ZNF292: variants seen among roughly 807,000 people sequenced by gnomAD.
The protein encoded by ZNF292 is 16 zinc-finger domain protein.
A neutral mutation model predicts 217.9 loss-of-function variants in ZNF292; 26 were observed. The ratio of observed to expected loss-of-function variants is 0.12; its 90% confidence interval spans 0.09 to 0.17. The LOEUF is 0.17. Among genes scored for constraint, ZNF292 ranks in the 10% least tolerant of loss-of-function variants. The pLI, the probability that ZNF292 is intolerant of heterozygous loss-of-function variation, is 1.00. For missense variants in ZNF292, 2,904 were observed against 3,175.2 expected (o/e 0.91, Z 2.05); for synonymous variants, 1,257 against 1,124.1 (o/e 1.12, Z -2.37).
intron 4 of ZNF292, among the ~76,000 whole-genome samples, chr6:87,225,204 GTTGT>G (rs1346238683): frequency 1.3e-5 from 2 of 152,080 alleles, no homozygotes; most frequent in Non-Finnish European, 2.9e-5. Context: ...TCTTAATTGG[GTTGT>G]TTGTTTTCTT....
At chr6:87,253,937 T>C (rs1775066800) in intron 7 of ZNF292, among the ~76,000 whole-genome samples, 1 of 152,242 alleles carries the variant, frequency 6.6e-6, no homozygotes, top group Admixed American at 6.5e-5. Context: ...GTTATTGCTA[T>C]CTAATAATAA....
rs549561638 is a variant in ZNF292 at position 87,263,671 on chromosome 6, T to C, written c.*1870T>C. The C allele has an allele frequency of 1.3e-5, 2 of 152,236 alleles. No individual in the cohort carries two copies. The highest frequency in any genetic ancestry group is 2.4e-5 in the African/African-American group (1 of 41,576). The allele number at this position is 152,236 out of a possible 1,614,324, so 9.4% of individuals were successfully genotyped here. ...CACTGTTATTTATTAAAATAAAAGT[T>C]ATTTTATGGGTGATTAATACATGGG... On this transcript the variant is annotated 3_prime_UTR_variant, in exon 8 of 8. Coordinates refer to ENST00000369577, the MANE Select transcript of ZNF292 (RefSeq NM_015021.3).
At position 87,259,239 on chromosome 6, in the gene ZNF292, T is replaced by A. The variant is rs760123959; in HGVS notation, c.5610T>A (p.Thr1870=). Reference sequence around the variant, plus strand: ...TGATAAATACATCAGTGACACTGACTCCCACGCCTGTTAAATCAACTGCAG... The same window carrying A: ...TGATAAATACATCAGTGACACTGACACCCACGCCTGTTAAATCAACTGCAG... ...CVLINTSVTL[T]PTPVKSTADI... is the part of the protein sequence containing the mutation. Residue 1870 remains threonine (T), a synonymous_variant, in exon 8 of 8, where the codon ACT becomes ACA. Transcript: ENST00000369577. 9 of 1,613,560 alleles carry A rather than the reference T, an allele frequency of 5.6e-6. No individual in the cohort carries two copies. In the East Asian group the frequency reaches 6.7e-5, roughly 12 times the overall value.
Position 87,155,709 on chromosome 6 carries a change from C to A in ZNF292, c.118C>A (p.Arg40=). 1.9e-6 allele frequency: 3 copies of A among 1,596,974 alleles called. No individual in the cohort carries two copies. The highest frequency in any genetic ancestry group is 2.6e-6 in the Non-Finnish European group (3 of 1,173,540). The stretch of plus-strand genomic sequence containing the variant: ...GCTGGAGCTACAGCTGCGGGAGAGC[C>A]GGGTACCGGCCGTGGAAGCGGCCAC... ...QELELQLRES[R]VPAVEAATDY... The change falls in exon 1 of 8, where the codon CGG becomes AGG. Residue 40 remains arginine, a synonymous_variant. Coordinates refer to ENST00000369577, the MANE Select transcript of ZNF292 (RefSeq NM_015021.3).
Position 87,265,392 on chromosome 6 carries a change from T to C in ZNF292, c.*3591T>C, listed in dbSNP as rs1775776805. On this transcript the variant is annotated 3_prime_UTR_variant, in exon 8 of 8. Coordinates refer to ENST00000369577, the MANE Select transcript of ZNF292 (RefSeq NM_015021.3). ...GTGCACACCACCACACCTGGCTGAT[T>C]TTATATTTTTAGTAGAGACGGTTTC... 6.6e-6 allele frequency among the ~76,000 whole-genome samples: 1 copy of C among 152,108 alleles called. No homozygotes were observed. Among genetic ancestry groups the C allele is most frequent in the South Asian group, 2.1e-4 (1 of 4,828 alleles).
chr6:87,181,321 C>A (rs1771467529), intron 1 of ZNF292, among the ~76,000 whole-genome samples: 1 of 152,104 alleles, frequency 6.6e-6, no homozygotes, highest in Non-Finnish European at 1.5e-5. Flanking sequence ...ATATAATCTT[C>A]CCCTGGAGTT....
At chr6:87,245,388 C>T (rs922905186) in intron 6 of ZNF292, 115 bp from the exon 7 acceptor site, 1 of 599,714 alleles carries the variant, frequency 1.7e-6, no homozygotes, top group Non-Finnish European at 2.7e-6. Context: ...CTTAAGCATG[C>T]ATATAGGATT....
intron 5 of ZNF292, among the ~76,000 whole-genome samples, chr6:87,234,586 A>G (rs927571185): frequency 6.6e-6 from 1 of 152,040 alleles, no homozygotes. Flanking sequence ...TTTTTTAAAG[A>G]AAACCTATAG....
At chr6:87,158,519 A>G (rs972501137) in intron 1 of ZNF292, among the ~76,000 whole-genome samples, 2 of 152,098 alleles carry the variant, frequency 1.3e-5, no homozygotes, top group Non-Finnish European at 2.9e-5. Context: ...AAACAAATCA[A>G]AAAAATTAGC....
intron 1 of ZNF292, among the ~76,000 whole-genome samples, chr6:87,203,172 A>T (rs1479809509): frequency 7.4e-6 from 1 of 135,550 alleles, no homozygotes; most frequent in Non-Finnish European, 1.5e-5. Flanking sequence ...GACAGGGCTC[A>T]CTGTGTTGGC....
chr6:87,223,662 A>T (rs1158013521), intron 4 of ZNF292: 1 of 151,928 alleles, frequency 6.6e-6, no homozygotes, highest in Admixed American at 6.6e-5. Context: ...TATTTATTTT[A>T]TTCTTTGGTC....
Position 87,209,626 on chromosome 6 carries a change from T to C in ZNF292, c.169-6277T>C, listed in dbSNP as rs541703079. ...AGTGCATAAACTGATAGGAGAAACC[T>C]GCTCTTTTCTCTTGTCAGGCATTGA... On this transcript the variant is annotated intron_variant, in intron 1 of 7. Transcript: ENST00000369577. 9.8e-5 allele frequency among the ~76,000 whole-genome samples: 15 copies of C among 152,332 alleles called. No individual in the cohort carries two copies. The South Asian group carries it at 3.1e-3, about 32-fold the overall frequency.
rs1407372994 is a variant in ZNF292 at position 87,258,037 on chromosome 6, T to A, written c.4408T>A (p.Phe1470Ile). 4 of 1,613,816 alleles carry A rather than the reference T, an allele frequency of 2.5e-6. No individual in the cohort carries two copies. The highest frequency in any genetic ancestry group is 2.5e-6 in the Non-Finnish European group (3 of 1,179,788). ...NRSPAFLPNTFPRSGVTNFNT... is the reference protein window; with the variant it reads ...NRSPAFLPNTIPRSGVTNFNT... Reference sequence around the variant, plus strand: ...CTCGCCAGCATTTTTACCAAATACATTTCCTCGATCTGGTGTGACTAACTT... The same window carrying A: ...CTCGCCAGCATTTTTACCAAATACAATTCCTCGATCTGGTGTGACTAACTT... Residue 1470 changes from phenylalanine (F) to isoleucine (I), a missense_variant, in exon 8 of 8, where the codon TTT becomes ATT. By Grantham distance (21) the Phe-to-Ile change is conservative (BLOSUM62 0). This residue lies in a region of ZNF292 where 622 missense variants were observed against 573.1 expected (regional missense o/e 1.09). Coordinates refer to ENST00000369577, the MANE Select transcript of ZNF292 (RefSeq NM_015021.3).
intron 7 of ZNF292, among the ~76,000 whole-genome samples, chr6:87,246,068 T>TA (rs1345396538): frequency 1.3e-5 from 2 of 152,084 alleles, no homozygotes; most frequent in Non-Finnish European, 2.9e-5. Context: ...CTGTCTCTAC[T>TA]AAAAATACAA....
chr6:87,255,760 G>T lies in ZNF292; in HGVS notation c.2131G>T (p.Ala711Ser). The change falls in exon 8 of 8, where the codon GCC (alanine) becomes TCC (serine). Residue 711 changes from alanine to serine, a missense_variant. Transcript: ENST00000369577. The part of the protein sequence containing the change: ...HVKGHKDNED[A>S]KRFLEMQSKK... ...GAAGGGGCATAAAGATAATGAAGACGCCAAGCGCTTTCTTGAAATGCAGAG... is the reference window on the plus strand; with the variant it reads ...GAAGGGGCATAAAGATAATGAAGACTCCAAGCGCTTTCTTGAAATGCAGAG... 6.2e-7 allele frequency: 1 copy of T among 1,613,760 alleles called. No individual in the cohort carries two copies. The highest frequency in any genetic ancestry group is 8.5e-7 in the Non-Finnish European group (1 of 1,179,850).
At chr6:87,245,097 C>T (rs1031830891) in intron 6 of ZNF292, among the ~76,000 whole-genome samples, 1 of 151,984 alleles carries the variant, frequency 6.6e-6, no homozygotes, top group African/African-American at 2.4e-5. Flanking sequence ...AAAAATTAAC[C>T]AGGCATGGCA....
chr6:87,227,817 C>T (rs1263600887), intron 4 of ZNF292, among the ~76,000 whole-genome samples: 2 of 151,768 alleles, frequency 1.3e-5, no homozygotes, highest in Non-Finnish European at 2.9e-5. Context: ...ATGTTTATAC[C>T]ACATTTTGTT....
intron 1 of ZNF292, among the ~76,000 whole-genome samples, chr6:87,157,243 T>G (rs770018598): frequency 6.0e-4 from 91 of 152,222 alleles, no homozygotes; most frequent in Non-Finnish European, 1.0e-3. Context: ...GAAAGCTCCC[T>G]ACTTAGGTAA....
chr6:87,191,049 A>G (rs373202040), intron 1 of ZNF292, among the ~76,000 whole-genome samples: 2 of 152,242 alleles, frequency 1.3e-5, no homozygotes, highest in African/African-American at 4.8e-5. Context: ...GTGGGATCAT[A>G]TAATACATAA....
Sources: gnomAD v4.1 joint callset for allele counts (sites outside exome capture counted in the v4.1 genomes callset) on GRCh38, gnomAD v4.1.1 for gene constraint, gnomAD v4.1.1 regional missense constraint, MANE v1.5 for transcripts, NCBI Gene and HGNC (gene_info 2026-07-23, HGNC 2026-07-21) for gene names.